The following SYNM variants were observed in gnomAD, a reference collection of about 807,000 sequenced individuals.
SYNM encodes the protein synemin, also known as desmuslin.
A neutral mutation model predicts 104.0 loss-of-function variants in SYNM; 95 were observed. The observed-to-expected ratio is 0.91, with a 90% CI of 0.77 to 1.08. The LOEUF is 1.08. Ranked by LOEUF, SYNM falls within the 50% of genes least tolerant of loss-of-function variation. The pLI is 0.00. For synonymous variants in SYNM, 918 were observed against 869.0 expected (o/e 1.06, Z -0.99); for missense variants, 2,150 against 2,052.2 (o/e 1.05, Z -0.92).
At chr15:99,115,785 G>C (rs914046823) in intron 2 of SYNM, among the ~76,000 whole-genome samples, 35 of 152,184 alleles carry the variant, frequency 2.3e-4, no homozygotes, top group African/African-American at 6.8e-4. Context: ...TTTGCTCTAA[G>C]AATATCAAGG....
chr15:99,133,977 T>C lies in SYNM; in HGVS notation c.*919T>C, dbSNP rs1555486380. On this transcript the variant is annotated 3_prime_UTR_variant, in exon 4 of 4. Transcript: ENST00000336292. ...ATGAAGAGAATGCCGATACTCAGAC[T>C]GCAGCTGGACCGGCAAGCTGGCTGT... 6.6e-6 allele frequency: 1 copy of C among 152,234 alleles called. No homozygotes were observed. Among genetic ancestry groups the C allele is most frequent in the African/African-American group, 2.4e-5 (1 of 41,464 alleles). The allele number at this position is 152,234 out of a possible 1,614,324, so 9.4% of individuals were successfully genotyped here.
chr15:99,132,806 CGGTGTGTCTGACCGT>C lies in SYNM; in HGVS notation c.4450_4464del (p.Val1484_Gly1488del), dbSNP rs2067526389. On this transcript the variant is annotated inframe_deletion, in exon 4 of 4. Coordinates refer to ENST00000336292, the MANE Select transcript of SYNM (RefSeq NM_145728.3). ...GCCGGACACAGGAAGCGGGAGCTCT[CGGTGTGTCTGACCGT>C]GGTTCCTGGAGAGACGCGGACAGTA... 1 of 1,613,926 alleles carries C rather than the reference CGGTGTGTCTGACCGT, an allele frequency of 6.2e-7. No homozygotes were observed. The highest frequency in any genetic ancestry group is 1.7e-5 in the Admixed American group (1 of 60,024).
At chr15:99,117,643 C>T (rs2067361749) in intron 2 of SYNM, among the ~76,000 whole-genome samples, 1 of 152,190 alleles carries the variant, frequency 6.6e-6, no homozygotes. Context: ...GAATTTTGAG[C>T]TCTTTTCTTC....
rs782172926 is a variant in SYNM at position 99,130,891 on chromosome 15, GA to G, written c.2532del (p.Asp845MetfsTer44). On this transcript the variant is annotated frameshift_variant, in exon 4 of 4. Coordinates refer to ENST00000336292, the MANE Select transcript of SYNM (RefSeq NM_145728.3). LOFTEE classifies it high-confidence loss of function. ...GATGAACACCCCGGGGGGCACGACA[GA>G]GATGACGGCTCGGTGTACGGGCAGA... is the stretch of plus-strand genomic sequence containing the variant. Reference protein sequence around the residue: ...TPDEHPGGHDRDDGSVYGQIH... With the variant: ...TPDEHPGGHDXDDGSVYGQIH... 1.5e-4 allele frequency: 245 copies of G among 1,613,978 alleles called. No individual in the cohort carries two copies. The African/African-American group carries it at 2.7e-3, about 18-fold the overall frequency.
Position 99,131,711 on chromosome 15 carries a change from G to A in SYNM, c.3351G>A (p.Leu1117=). The change falls in exon 4 of 4, where the codon CTG becomes CTA. Residue 1117 remains leucine, a synonymous_variant. Coordinates refer to ENST00000336292, the MANE Select transcript of SYNM (RefSeq NM_145728.3). The surrounding 1 kb of genome is among the most constrained non-coding windows in gnomAD (Gnocchi z 4.3). ...SPTGFAQSQV[L]EDVSQAARHI... Reference sequence around the variant, plus strand: ...CAGGCTTTGCCCAGTCACAGGTGCTGGAGGATGTGAGCCAGGCTGCAAGGC... The same window carrying A: ...CAGGCTTTGCCCAGTCACAGGTGCTAGAGGATGTGAGCCAGGCTGCAAGGC... The A allele has an allele frequency of 6.2e-7, 1 of 1,613,674 alleles. No individual in the cohort carries two copies. The highest frequency in any genetic ancestry group is 1.1e-5 in the South Asian group (1 of 91,072).
At position 99,131,937 on chromosome 15, in the gene SYNM, G is replaced by A; in HGVS notation, c.3577G>A (p.Ala1193Thr). The change falls in exon 4 of 4, where the codon GCC becomes ACC. Residue 1193 changes from alanine (A) to threonine (T), a missense_variant. Transcript: ENST00000336292. This position sits in a 1 kb window ranked among gnomAD's most constrained non-coding sequence, Gnocchi z 4.3. ...LSREVIFLGP[A>T]PACPEAWGSP... ...CAGAGAAGTCATCTTCCTAGGCCCT[G>A]CCCCTGCCTGTCCAGAGGCATGGGG... The A allele has an allele frequency of 1.9e-6, 3 of 1,613,684 alleles. No homozygotes were observed. The highest frequency in any genetic ancestry group is 2.5e-6 in the Non-Finnish European group (3 of 1,179,844).
At chr15:99,114,423 C>T (rs988497564) in intron 2 of SYNM, among the ~76,000 whole-genome samples, 9 of 151,936 alleles carry the variant, frequency 5.9e-5, no homozygotes, top group East Asian at 1.9e-4. Flanking sequence ...GGTTACAAAT[C>T]GAGATGAGGT....
intron 2 of SYNM, among the ~76,000 whole-genome samples, chr15:99,125,079 C>T (rs1180687314): frequency 6.6e-6 from 1 of 152,242 alleles, no homozygotes; most frequent in Admixed American, 6.5e-5. Flanking sequence ...CCCTGGACAG[C>T]AACATACCTT....
At chr15:99,118,701 T>G (rs1013457076) in intron 2 of SYNM, among the ~76,000 whole-genome samples, 28 of 152,092 alleles carry the variant, frequency 1.8e-4, no homozygotes, top group African/African-American at 6.5e-4. Flanking sequence ...AAATATATAA[T>G]TTAATAAAAT....
chr15:99,139,350 A>G, downstream of SYNM: 1 of 1,613,992 alleles, frequency 6.2e-7, no homozygotes, highest in African/African-American at 1.3e-5. Flanking sequence ...CTGGGTGGCC[A>G]GAGTCCTTTT....
intron 2 of SYNM, among the ~76,000 whole-genome samples, chr15:99,117,503 C>A (rs182037504): frequency 1.6e-4 from 24 of 152,384 alleles, no homozygotes; most frequent in African/African-American, 4.8e-5. Flanking sequence ...GGAAAACTGA[C>A]TTCTGTGTGT....
At position 99,105,932 on chromosome 15, in the gene SYNM, G is replaced by C; in HGVS notation, c.733G>C (p.Glu245Gln). 1 of 1,527,148 alleles carries C rather than the reference G, an allele frequency of 6.5e-7. No homozygotes were observed. The highest frequency in any genetic ancestry group is 1.2e-5 in the South Asian group (1 of 82,632). 94.6% of individuals were successfully genotyped at this position (1,527,148 alleles called of 1,614,324 possible). Residue 245 changes from glutamate (E) to glutamine (Q), a missense_variant, in exon 1 of 4, where the codon GAG becomes CAG. By Grantham distance (29) the Glu-to-Gln change is conservative. Coordinates refer to ENST00000336292, the MANE Select transcript of SYNM (RefSeq NM_145728.3). Reference sequence around the variant, plus strand: ...GCTGCGGCGCGAGGCGCTCGGGTTGGAGCAGCTGCGCGCGCGGCTGGAGGA... The same window carrying C: ...GCTGCGGCGCGAGGCGCTCGGGTTGCAGCAGCTGCGCGCGCGGCTGGAGGA... ...EALRREALGL[E>Q]QLRARLEDAL...
rs781942808 is a variant in SYNM at position 99,130,739 on chromosome 15, C to T, written c.2379C>T (p.Ser793=). The change falls in exon 4 of 4, where the codon AGC becomes AGT. Residue 793 remains serine, a synonymous_variant. Coordinates refer to ENST00000336292, the MANE Select transcript of SYNM (RefSeq NM_145728.3). The part of the protein sequence containing the change: ...LVKEEEGYGE[S]DVTFSVNQHR... The stretch of plus-strand genomic sequence containing the variant: ...AGGAGGAGGAAGGTTATGGAGAAAG[C>T]GATGTCACATTCTCAGTTAATCAGC... 5.6e-6 allele frequency: 9 copies of T among 1,613,764 alleles called. No homozygotes were observed. The highest frequency in any genetic ancestry group is 4.5e-5 in the East Asian group (2 of 44,876).
downstream of SYNM, chr15:99,138,018 C>CTGTTG (rs2151818591): frequency 5.6e-6 from 9 of 1,614,110 alleles, no homozygotes; most frequent in South Asian, 8.8e-5. Context: ...CCTCAGTCTG[C>CTGTTG]TGTTGTGCCG....
chr15:99,137,680 C>T (rs1297702996), downstream of SYNM: 3 of 269,808 alleles, frequency 1.1e-5, no homozygotes, highest in Non-Finnish European at 1.4e-5. Flanking sequence ...CAAGCAGATG[C>T]CGGGCTGACT....
At chr15:99,123,884 A>G (rs2067424224) in intron 2 of SYNM, among the ~76,000 whole-genome samples, 1 of 152,262 alleles carries the variant, frequency 6.6e-6, no homozygotes, top group South Asian at 2.1e-4. Flanking sequence ...AATCTATCCC[A>G]GACAGAGAGC....
downstream of SYNM, chr15:99,137,994 T>C: frequency 6.2e-7 from 1 of 1,614,080 alleles, no homozygotes; most frequent in Non-Finnish European, 8.5e-7. Flanking sequence ...TCCTAGGCTT[T>C]TTCAGGGTGG....
chr15:99,109,916 A>G (rs2067285780), intron 1 of SYNM, among the ~76,000 whole-genome samples: 1 of 152,164 alleles, frequency 6.6e-6, no homozygotes, highest in Non-Finnish European at 1.5e-5. Flanking sequence ...ATGGGAAGCC[A>G]CTGGAGGTTC....
Position 99,130,691 on chromosome 15 carries a change from G to T in SYNM, c.2331G>T (p.Ser777=), listed in dbSNP as rs776015304. The stretch of plus-strand genomic sequence containing the variant: ...AAGTGGAGGAGGTCGAAGATGTGTC[G>T]CCAGGCCCCTGGGGGTTGGTTAAGG... ...PFKVEEVEDV[S]PGPWGLVKEE... The change falls in exon 4 of 4, where the codon TCG becomes TCT. Residue 777 remains serine, a synonymous_variant. Coordinates refer to ENST00000336292, the MANE Select transcript of SYNM (RefSeq NM_145728.3). 14 of 1,613,736 alleles carry T rather than the reference G, an allele frequency of 8.7e-6. No individual in the cohort carries two copies. The highest frequency in any genetic ancestry group is 1.2e-5 in the Non-Finnish European group (14 of 1,179,848).
Sources: allele counts gnomAD v4.1 joint callset (sites outside exome capture counted in the v4.1 genomes callset), GRCh38; gene constraint gnomAD v4.1.1; non-coding constraint Gnocchi (gnomAD v3.1); transcripts MANE v1.5; gene names NCBI Gene and HGNC (gene_info 2026-07-23, HGNC 2026-07-21).